EML6: variants seen among roughly 807,000 people sequenced by gnomAD.
The protein encoded by EML6 is EMAP like 6, also known as echinoderm microtubule-associated protein-like 6.
Under a neutral mutation model 240.1 loss-of-function variants are expected in EML6, and 154 were observed. The ratio of observed to expected loss-of-function variants is 0.64; its 90% CI spans 0.56 to 0.73. The LOEUF (loss-of-function observed/expected upper bound fraction) is 0.73. EML6 is among the 30% of genes least tolerant of loss of function. The pLI is 0.00. For synonymous variants in EML6, 1,148 were observed against 899.0 expected (o/e 1.28, Z -4.95); for missense variants, 2,964 against 2,474.6 (o/e 1.20, Z -4.20).
At chr2:54,862,533 G>C (rs1670735496) in intron 12 of EML6, among the ~76,000 whole-genome samples, 1 of 151,838 alleles carries the variant, frequency 6.6e-6, no homozygotes, top group Non-Finnish European at 1.5e-5. Context: ...TAGAGACTTA[G>C]GGTGGTCCAA....
intron 26 of EML6, among the ~76,000 whole-genome samples, chr2:54,925,124 G>T (rs1674473695): frequency 6.6e-6 from 1 of 152,122 alleles, no homozygotes; most frequent in Non-Finnish European, 1.5e-5. Context: ...TAAGGGAGGG[G>T]CCCTAATCTG....
rs1386465994 is a variant in EML6 at position 54,964,646 on chromosome 2, C to G, written c.5406C>G (p.Gly1802=). 1 of 1,552,348 alleles carries G rather than the reference C, an allele frequency of 6.4e-7. No homozygotes were observed. The highest frequency in any genetic ancestry group is 8.7e-7 in the Non-Finnish European group (1 of 1,147,106). The change falls in exon 38 of 42, where the codon GGC becomes GGG. Residue 1802 remains glycine (G), a synonymous_variant. Coordinates refer to ENST00000356458, the MANE Select transcript of EML6 (RefSeq NM_001039753.4). ...TTGACTTCTATGACCTCACTCAGGGCACAAATCTGAACCGCATTGGCTACT... is the reference window on the plus strand; with the variant it reads ...TTGACTTCTATGACCTCACTCAGGGGACAAATCTGAACCGCATTGGCTACT... ...HTVDFYDLTQ[G]TNLNRIGYCK...
rs58374831 is a variant in EML6 at position 54,795,436 on chromosome 2, A to G, written c.198-17796A>G. On this transcript the variant is annotated intron_variant, in intron 2 of 41. Transcript: ENST00000356458. ...CCCCACCAGGCCCCTCCTCTGGCGT[A>G]TGGGGATTACAATTGGAGATGAGAC... Among the ~76,000 whole-genome samples, 8 of 152,158 alleles carry G rather than the reference A, an allele frequency of 5.3e-5. No individual in the cohort carries two copies. The South Asian group carries it at 1.7e-3, about 32-fold the overall frequency.
rs1682941490 is a variant in EML6, at chr2:54,727,116, A to T, written c.197+1858A>T. On this transcript the variant is annotated intron_variant, in intron 2 of 41. Transcript: ENST00000356458. ...CTTGGGTGGTTAAGGAAACATTCAG[A>T]TTTGAAGAAAAGGTGAATGAAGTGA... 2.0e-5 allele frequency among the ~76,000 whole-genome samples: 3 copies of T among 152,202 alleles called. No homozygotes were observed. The South Asian group carries it at 6.2e-4, about 32-fold the overall frequency.
chr2:54,971,880 ATGATTT>A lies in EML6; in HGVS notation c.*1793_*1798del, dbSNP rs1182269589. ...ACTTATTTGTAAACGTTTATATGGT[ATGATTT>A]TGATTTTATGTATGTTCATAAATCC... On this transcript the variant is annotated 3_prime_UTR_variant, in exon 42 of 42. Transcript: ENST00000356458. 2.6e-5 allele frequency: 4 copies of A among 152,232 alleles called. No individual in the cohort carries two copies. The highest frequency in any genetic ancestry group is 5.9e-5 in the Non-Finnish European group (4 of 68,042). 9.4% of individuals were successfully genotyped at this position (152,232 alleles called of 1,614,324 possible).
intron 25 of EML6, among the ~76,000 whole-genome samples, 157 bp downstream of exon 25, chr2:54,911,199 G>T (rs1021820506): frequency 2.6e-5 from 4 of 152,128 alleles, no homozygotes; most frequent in Admixed American, 1.3e-4. Flanking sequence ...CTGGTTTCCA[G>T]GTTCCCAGAA....
chr2:54,847,645 G>A lies in EML6; in HGVS notation c.1187+22G>A, dbSNP rs753895463. 30 of 1,550,190 alleles carry A rather than the reference G, an allele frequency of 1.9e-5. No individual in the cohort carries two copies. The East Asian group carries it at 3.2e-4, about 16-fold the overall frequency. ...TCAGGCACGTACTGATGTTGAAAAT[G>A]GTATTTAGAAATGCTCTCGTGTTAA... On this transcript the variant is annotated intron_variant, in intron 9 of 41. Transcript: ENST00000356458.
chr2:54,903,580 TGGCAGTTGAGTGTTAGAAA>T, intron 24 of EML6, 78 bp downstream of exon 24: 1 of 1,280,096 alleles, frequency 7.8e-7, no homozygotes, highest in Non-Finnish European at 1.1e-6. Flanking sequence ...CTAGAGAGAA[TGGCAGTTGAGTGTTAGAAA>T]TGGGAAAGGG....
At chr2:54,894,813 G>T in intron 19 of EML6, 102 bp from the exon 20 acceptor site, 1 of 671,302 alleles carries the variant, frequency 1.5e-6, no homozygotes, top group Non-Finnish European at 2.6e-6. Flanking sequence ...TAGGAAGGTA[G>T]CATCCACAAA....
chr2:54,898,025 A>G (rs1451496598), intron 21 of EML6, among the ~76,000 whole-genome samples: 1 of 152,204 alleles, frequency 6.6e-6, no homozygotes, highest in East Asian at 1.9e-4. Flanking sequence ...GTTGGAATAG[A>G]CTGCTTATTT....
chr2:54,968,305 C>A (rs1443955702), intron 40 of EML6, 24 bp downstream of exon 40: 1 of 1,551,148 alleles, frequency 6.4e-7, no homozygotes, highest in Admixed American at 2.0e-5. Flanking sequence ...AGAGTAACCT[C>A]CCTGCAGGTT....
chr2:54,811,230 G>C (rs1667826776), intron 2 of EML6, among the ~76,000 whole-genome samples: 1 of 152,046 alleles, frequency 6.6e-6, no homozygotes, highest in African/African-American at 2.4e-5. Flanking sequence ...CTAAATTATG[G>C]AACTGTTTAT....
chr2:54,895,274 C>G lies in EML6; in HGVS notation c.2856C>G (p.Gly952=). The part of the protein sequence containing the change: ...KRSALSTSSK[G]LLLEDNPSIR... Reference sequence around the variant, plus strand: ...TAAATATACCATCCCCTTCCCCAGGCTTGCTTTTGGAAGATAACCCTTCAA... The same window carrying G: ...TAAATATACCATCCCCTTCCCCAGGGTTGCTTTTGGAAGATAACCCTTCAA... Residue 952 remains glycine, a splice_region_variant and synonymous_variant, in exon 21 of 42, where the codon GGC becomes GGG. Coordinates refer to ENST00000356458, the MANE Select transcript of EML6 (RefSeq NM_001039753.4). 6.4e-7 allele frequency: 1 copy of G among 1,551,572 alleles called. No individual in the cohort carries two copies. Among genetic ancestry groups the G allele is most frequent in the Non-Finnish European group, 8.7e-7 (1 of 1,146,860 alleles).
chr2:54,850,292 T>G (rs775820018), intron 10 of EML6, 74 bp downstream of exon 10: 17 of 1,330,804 alleles, frequency 1.3e-5, no homozygotes, highest in Non-Finnish European at 1.6e-5. Context: ...ACAGGACAAG[T>G]GTCATGGCTC....
At chr2:54,969,740 T>C (rs1346455559) in intron 41 of EML6, among the ~76,000 whole-genome samples, 1 of 152,210 alleles carries the variant, frequency 6.6e-6, no homozygotes, top group East Asian at 1.9e-4. Context: ...TCAAAAGGGC[T>C]CTCTGACTCA....
intron 26 of EML6, among the ~76,000 whole-genome samples, chr2:54,927,454 C>T (rs775163651): frequency 1.3e-5 from 2 of 152,206 alleles, no homozygotes; most frequent in African/African-American, 4.8e-5. Flanking sequence ...ATGTGGCCTT[C>T]CATATTCTGT....
chr2:54,836,428 G>A (rs1356641651), intron 7 of EML6, among the ~76,000 whole-genome samples: 1 of 152,166 alleles, frequency 6.6e-6, no homozygotes, highest in Non-Finnish European at 1.5e-5. Context: ...CAGAGATTTT[G>A]TAAAAAGAAA....
In EML6 at chr2:54,820,417, A is replaced by G. The variant is rs759862868; in HGVS notation, c.480A>G (p.Pro160=). ...SDRIFDISWD[P]YQPNRVVSCG... is the part of the protein sequence containing the mutation. ...AGATTTTTGATATTTCCTGGGATCC[A>G]TATCAGCCAAACAGAGTGGTTAGCT... Residue 160 remains proline (P), a synonymous_variant, in exon 5 of 42, where the codon CCA becomes CCG. Transcript: ENST00000356458. 7.1e-6 allele frequency: 11 copies of G among 1,550,320 alleles called. No homozygotes were observed. The highest frequency in any genetic ancestry group is 9.6e-6 in the Non-Finnish European group (11 of 1,145,988).
intron 15 of EML6, 29 bp downstream of exon 15, chr2:54,869,396 G>A (rs1216983862): frequency 1.4e-6 from 2 of 1,451,560 alleles, no homozygotes. Context: ...CTAGGGCCTA[G>A]CCAAAAAGAG....
Sources: gnomAD v4.1 joint callset for allele counts (sites outside exome capture counted in the v4.1 genomes callset) on GRCh38, gnomAD v4.1.1 for gene constraint, MANE v1.5 for transcripts, NCBI Gene and HGNC (gene_info 2026-07-23, HGNC 2026-07-21) for gene names.